The following LRFN5 variants were observed in gnomAD, a reference collection of about 807,000 sequenced individuals.
The protein encoded by LRFN5 is leucine-rich repeat and fibronectin type-III domain-containing protein 5.
LRFN5 carries 24 observed loss-of-function variants against 45.6 expected under a neutral mutation model. The ratio of observed to expected loss-of-function variants is 0.53; its 90% CI spans 0.38 to 0.74. LRFN5 has a LOEUF of 0.74. LRFN5 is among the 30% of genes least tolerant of loss of function. LRFN5 has a pLI of 0.00. For missense variants in LRFN5, 776 were observed against 861.5 expected (o/e 0.90, Z 1.24); for synonymous variants, 340 against 313.8 (o/e 1.08, Z -0.88).
chr14:41,886,777 G>A lies in LRFN5; in HGVS notation c.152G>A (p.Arg51Lys), dbSNP rs935524935. The change falls in exon 3 of 6, where the codon AGA (arginine) becomes AAA (lysine). Residue 51 changes from arginine (R) to lysine (K), a missense_variant. Around this residue, in one of 2 missense-constraint regions of LRFN5, gnomAD observed 311 missense variants for 405.1 expected, o/e 0.77. Transcript: ENST00000298119. ...TTATTTGTTCCACCAAACATTGACA[G>A]AAGAACTGTGGAACTGCGGTTGGCA... Reference protein sequence around the residue: ...GLLFVPPNIDRRTVELRLADN... With the variant: ...GLLFVPPNIDKRTVELRLADN... 4 of 1,613,998 alleles carry A rather than the reference G, an allele frequency of 2.5e-6. No individual in the cohort carries two copies. The African/African-American group carries it at 5.3e-5, about 22-fold the overall frequency.
chr14:41,834,669 G>A (rs1888600324), intron 2 of LRFN5, among the ~76,000 whole-genome samples: 1 of 151,860 alleles, frequency 6.6e-6, no homozygotes, highest in South Asian at 2.1e-4. Flanking sequence ...GTTTTGTTTT[G>A]TTGTGTTTGT....
chr14:41,697,733 T>C (rs1882675390), intron 1 of LRFN5, among the ~76,000 whole-genome samples: 1 of 151,754 alleles, frequency 6.6e-6, no homozygotes, highest in South Asian at 2.1e-4. Flanking sequence ...CTACTTAAGA[T>C]ATGACTATTA....
chr14:41,838,423 C>A (rs1217163211), intron 2 of LRFN5, among the ~76,000 whole-genome samples: 1 of 152,150 alleles, frequency 6.6e-6, no homozygotes, highest in African/African-American at 2.4e-5. Context: ...TTTCCTCCAG[C>A]ACCCTTCTGC....
chr14:41,686,095 T>C (rs1882108557), intron 1 of LRFN5, among the ~76,000 whole-genome samples: 1 of 152,094 alleles, frequency 6.6e-6, no homozygotes, highest in Non-Finnish European at 1.5e-5. Context: ...GTCCTAGACA[T>C]GAGGATGGAA....
intron 1 of LRFN5, among the ~76,000 whole-genome samples, chr14:41,753,052 A>G (rs921283657): frequency 7.2e-5 from 11 of 152,070 alleles, no homozygotes; most frequent in Non-Finnish European, 1.3e-4. Flanking sequence ...TTTTTGTCAG[A>G]TTTGTCAAAG....
At chr14:41,774,154 A>T (rs1296298370) in intron 2 of LRFN5, among the ~76,000 whole-genome samples, 1 of 152,200 alleles carries the variant, frequency 6.6e-6, no homozygotes, top group Non-Finnish European at 1.5e-5. Flanking sequence ...CCAACATTAG[A>T]TGCATGACAA....
intron 2 of LRFN5, among the ~76,000 whole-genome samples, chr14:41,855,474 C>A (rs1424093697): frequency 6.6e-6 from 1 of 152,108 alleles, no homozygotes; most frequent in East Asian, 1.9e-4. Flanking sequence ...CTTCTATTAT[C>A]TTTTCTATTC....
In LRFN5 at chr14:41,887,894, G is replaced by T; in HGVS notation, c.1269G>T (p.Val423=). The T allele has an allele frequency of 6.2e-7, 1 of 1,613,966 alleles. No homozygotes were observed. Among genetic ancestry groups the T allele is most frequent in the Non-Finnish European group, 8.5e-7 (1 of 1,179,964 alleles). ...AATTGAGTCAAGATAAAATTGTGGT[G>T]GCAGAAGCTACATCATCAACGGCAC... ...DTKLSQDKIV[V]AEATSSTALL... is the part of the protein sequence containing the mutation. Residue 423 remains valine (V), a synonymous_variant, in exon 3 of 6, where the codon GTG becomes GTT. Coordinates refer to ENST00000298119, the MANE Select transcript of LRFN5 (RefSeq NM_152447.5). The surrounding 1 kb of genome is among the most constrained non-coding windows in gnomAD (Gnocchi z 4.8).
intron 4 of LRFN5, chr14:41,894,060 A>G (rs2139167455): frequency 1.0e-6 from 1 of 984,196 alleles, no homozygotes. Context: ...GCAGAAGCAT[A>G]CTACTTTTTC....
At chr14:41,775,794 A>T (rs934997440) in intron 2 of LRFN5, among the ~76,000 whole-genome samples, 1 of 152,226 alleles carries the variant, frequency 6.6e-6, no homozygotes, top group African/African-American at 2.4e-5. Flanking sequence ...AAATAAAATT[A>T]TATGTAATTT....
rs1043179282 is a variant in LRFN5, at chr14:41,831,973, T to A, written c.-20-54633T>A. 3.3e-5 allele frequency among the ~76,000 whole-genome samples: 5 copies of A among 152,052 alleles called. No homozygotes were observed. The East Asian group carries it at 5.8e-4, about 18-fold the overall frequency. ...TCCTCACCTAGCAGAGAGAAAAAAA[T>A]TTTTAACTTCTTTCTCTTCCACTTC... On this transcript the variant is annotated intron_variant, in intron 2 of 5. Coordinates refer to ENST00000298119, the MANE Select transcript of LRFN5 (RefSeq NM_152447.5).
intron 1 of LRFN5, among the ~76,000 whole-genome samples, chr14:41,703,702 G>A (rs4301939): frequency 1.3e-5 from 2 of 151,954 alleles, no homozygotes; most frequent in African/African-American, 2.4e-5. Context: ...AAATGCCCCA[G>A]ATTTGATGAT....
Position 41,887,493 on chromosome 14 carries a change from A to G in LRFN5, c.868A>G (p.Thr290Ala). 6.2e-7 allele frequency: 1 copy of G among 1,614,140 alleles called. No homozygotes were observed. The highest frequency in any genetic ancestry group is 1.3e-5 in the African/African-American group (1 of 75,030). The change falls in exon 3 of 6, where the codon ACT becomes GCT. Residue 290 changes from threonine to alanine, a missense_variant. By Grantham distance (58) the Thr-to-Ala change is moderately conservative. This residue lies in a region of LRFN5 where 311 missense variants were observed against 405.1 expected (regional missense o/e 0.77). Coordinates refer to ENST00000298119, the MANE Select transcript of LRFN5 (RefSeq NM_152447.5). This position sits in a 1 kb window ranked among gnomAD's most constrained non-coding sequence, Gnocchi z 4.8. ...GTTTTTGTGTGAGCCTCCTCTCATT[A>G]CTCGTCATACACATGAGATGAGAGT... ...EEFLCEPPLI[T>A]RHTHEMRVLE...
chr14:41,867,198 A>G (rs924982075), intron 2 of LRFN5, among the ~76,000 whole-genome samples: 2 of 152,126 alleles, frequency 1.3e-5, no homozygotes, highest in Non-Finnish European at 2.9e-5. Context: ...AGATTTAAAT[A>G]TGTATATTTG....
intron 5 of LRFN5, among the ~76,000 whole-genome samples, chr14:41,902,678 G>A (rs78634313): frequency 0.012 from 1,788 of 151,772 alleles, 12 homozygotes; most frequent in Admixed American, 0.021. Context: ...TGCTATCCTG[G>A]AACCATTTAT....
intron 1 of LRFN5, among the ~76,000 whole-genome samples, chr14:41,631,750 T>G (rs746915637): frequency 9.9e-5 from 15 of 151,758 alleles, no homozygotes; most frequent in Non-Finnish European, 2.1e-4. Flanking sequence ...GAGAGAGGAG[T>G]GAGTTCAAGA....
In LRFN5 at chr14:41,756,544, C is replaced by G. The variant is rs956596331; in HGVS notation, c.-196-10310C>G. Among the ~76,000 whole-genome samples, 7 of 152,286 alleles carry G rather than the reference C, an allele frequency of 4.6e-5. No homozygotes were observed. The East Asian group carries it at 1.2e-3, about 25-fold the overall frequency. ...ACTGATACCCTTTCTTCCAGTTGATCGAATCGGCTACTGAGGCTTGTGCAT... is the reference window on the plus strand; with the variant it reads ...ACTGATACCCTTTCTTCCAGTTGATGGAATCGGCTACTGAGGCTTGTGCAT... On this transcript the variant is annotated intron_variant, in intron 1 of 5. Transcript: ENST00000298119.
intron 1 of LRFN5, among the ~76,000 whole-genome samples, chr14:41,619,830 G>A (rs1009461152): frequency 2.6e-5 from 4 of 152,014 alleles, no homozygotes; most frequent in South Asian, 4.2e-4. Flanking sequence ...GTAAAATGGG[G>A]CTAATGTTGA....
At chr14:41,882,895 C>G (rs74480645) in intron 2 of LRFN5, among the ~76,000 whole-genome samples, 2 of 133,528 alleles carry the variant, frequency 1.5e-5, no homozygotes, top group Non-Finnish European at 3.1e-5. Flanking sequence ...GTCACCCAGG[C>G]TGGAGTGTAA....
Sources: gnomAD v4.1 joint callset for allele counts (sites outside exome capture counted in the v4.1 genomes callset) on GRCh38, gnomAD v4.1.1 for gene constraint, gnomAD v4.1.1 regional missense constraint, Gnocchi (gnomAD v3.1) non-coding constraint, MANE v1.5 for transcripts, NCBI Gene and HGNC (gene_info 2026-07-23, HGNC 2026-07-21) for gene names.